ANKRD44: variants seen among roughly 807,000 people sequenced by gnomAD.
The protein encoded by ANKRD44 is ankyrin repeat domain 44, also known as serine/threonine-protein phosphatase 6 regulatory ankyrin repeat subunit B.
Under a neutral mutation model 116.0 loss-of-function variants are expected in ANKRD44, and 35 were observed. The observed-to-expected ratio is 0.30, with a 90% CI of 0.23 to 0.40. ANKRD44 has a LOEUF of 0.40. Ranked by LOEUF, ANKRD44 falls within the 10% of genes least tolerant of loss-of-function variation. The pLI, the probability that ANKRD44 is intolerant of heterozygous loss-of-function variation, is 1.00. For synonymous variants in ANKRD44, 435 were observed against 461.8 expected (o/e 0.94, Z 0.74); for missense variants, 1,014 against 1,242.6 (o/e 0.82, Z 2.77).
At chr2:197,187,395 G>A (rs886755133) in intron 1 of ANKRD44, among the ~76,000 whole-genome samples, 2 of 152,154 alleles carry the variant, frequency 1.3e-5, no homozygotes, top group African/African-American at 2.4e-5. Context: ...AACTTTGATA[G>A]GCCCTTAAAT....
intron 25 of ANKRD44, among the ~76,000 whole-genome samples, 186 bp from the exon 26 acceptor site, chr2:196,995,647 A>G (rs1342605957): frequency 2.0e-5 from 3 of 152,198 alleles, no homozygotes; most frequent in Non-Finnish European, 4.4e-5. Context: ...TAAGAGTCCT[A>G]ATAAGGTCTA....
intron 1 of ANKRD44, among the ~76,000 whole-genome samples, chr2:197,301,797 A>C (rs2083915365): frequency 1.3e-5 from 2 of 152,262 alleles, no homozygotes; most frequent in Non-Finnish European, 2.9e-5. Flanking sequence ...GCAGTGAATG[A>C]ACCAAACTAA....
intron 2 of ANKRD44, among the ~76,000 whole-genome samples, chr2:197,170,410 A>G (rs1275774119): frequency 2.6e-5 from 4 of 152,124 alleles, no homozygotes; most frequent in Non-Finnish European, 4.4e-5. Flanking sequence ...TCCCTCCTAA[A>G]CACTTGTCAG....
intron 1 of ANKRD44, among the ~76,000 whole-genome samples, chr2:197,273,011 T>C (rs917627800): frequency 1.3e-5 from 2 of 152,236 alleles, no homozygotes; most frequent in African/African-American, 4.8e-5. Context: ...ATTTGATTGA[T>C]TAAATACACA....
chr2:197,083,352 A>G lies in ANKRD44; in HGVS notation c.1457+17T>C. 1 of 1,607,962 alleles carries G rather than the reference A, an allele frequency of 6.2e-7. No homozygotes were observed. The highest frequency in any genetic ancestry group is 8.5e-7 in the Non-Finnish European group (1 of 1,177,352). On this transcript the variant is annotated intron_variant, in intron 14 of 27. Transcript: ENST00000282272. ...CAACCCTGTTCCCAGAGGAAGCATG[A>G]GCAAGGCTGTTTTTACTTTCTATCC...
intron 1 of ANKRD44, among the ~76,000 whole-genome samples, chr2:197,263,839 G>A (rs2082673611): frequency 6.6e-6 from 1 of 152,176 alleles, no homozygotes. Context: ...GCCTTAGCTA[G>A]GCACATGGCT....
intron 2 of ANKRD44, among the ~76,000 whole-genome samples, chr2:197,168,044 G>A (rs2080139107): frequency 6.6e-6 from 1 of 152,252 alleles, no homozygotes; most frequent in South Asian, 2.1e-4. Context: ...ACAACCTTGT[G>A]GCTGCCTTGC....
At chr2:197,010,272 C>G (rs1474375475) in intron 18 of ANKRD44, among the ~76,000 whole-genome samples, 4 of 152,192 alleles carry the variant, frequency 2.6e-5, no homozygotes, top group African/African-American at 9.6e-5. Context: ...CATCCGCTCA[C>G]TGTTGAGTGA....
At position 196,986,812 on chromosome 2, in the gene ANKRD44, C is replaced by T; in HGVS notation, c.*2779G>A. On this transcript the variant is annotated 3_prime_UTR_variant, in exon 28 of 28. Transcript: ENST00000282272. ...GTGCTTGAGAAGATTCAGATTGTTT[C>T]AAAGTCATTCACTGAACTAAAAGTC... The T allele has an allele frequency of 8.1e-6, 8 of 985,400 alleles. No homozygotes were observed. The highest frequency in any genetic ancestry group is 9.6e-6 in the Non-Finnish European group (8 of 829,908). 61.0% of individuals were successfully genotyped at this position (985,400 alleles called of 1,614,324 possible). A position where few individuals can be genotyped will look rare whatever the true frequency, so the allele number is the denominator to read the frequency against.
chr2:196,976,586 G>A (rs1559390268), intron 21 of ANKRD44, among the ~76,000 whole-genome samples: 1 of 152,202 alleles, frequency 6.6e-6, no homozygotes, highest in South Asian at 2.1e-4. Context: ...AAGGAATCCA[G>A]CTGGGTGCAG....
rs532956738 is a variant in ANKRD44, at chr2:197,252,341, C to T, written c.27+58237G>A. 1.1e-3 allele frequency among the ~76,000 whole-genome samples: 161 copies of T among 152,154 alleles called. 1 individual carries two copies. Among genetic ancestry groups the T allele is most frequent in the Admixed American group, 1.6e-3 (24 of 15,282 alleles). ...CTGCTCCCCGCTACCCGCCCCGCCC[C>T]GCCCCGCCAAAGGTCTAACAAATCA... On this transcript the variant is annotated intron_variant, in intron 1 of 27. Transcript: ENST00000282272.
chr2:197,233,534 T>C (rs2081913283), intron 1 of ANKRD44, among the ~76,000 whole-genome samples: 1 of 152,246 alleles, frequency 6.6e-6, no homozygotes, highest in African/African-American at 2.4e-5. Context: ...CTATTTCATA[T>C]CATGGCTTTT....
intron 17 of ANKRD44, chr2:197,014,851 A>G (rs1299108517): frequency 6.5e-6 from 1 of 152,908 alleles, no homozygotes; most frequent in Non-Finnish European, 1.5e-5. Context: ...TCTGAAAGAT[A>G]ATTTTTATTG....
At chr2:197,158,395 C>T (rs766086352) in intron 2 of ANKRD44, among the ~76,000 whole-genome samples, 8 of 152,268 alleles carry the variant, frequency 5.3e-5, no homozygotes, top group South Asian at 4.1e-4. Flanking sequence ...ACCAGTGAGG[C>T]GAGAAGTCTA....
chr2:196,998,067 C>T (rs918847670), intron 25 of ANKRD44, among the ~76,000 whole-genome samples: 3 of 149,616 alleles, frequency 2.0e-5, no homozygotes, highest in African/African-American at 7.3e-5. Flanking sequence ...AGCATCAAGA[C>T]AGACAGACTA....
Position 197,260,673 on chromosome 2 carries a change from G to A in ANKRD44, c.27+49905C>T, listed in dbSNP as rs553550392. 5.3e-5 allele frequency among the ~76,000 whole-genome samples: 8 copies of A among 152,050 alleles called. No individual in the cohort carries two copies. The East Asian group carries it at 9.6e-4, about 18-fold the overall frequency. The stretch of plus-strand genomic sequence containing the variant: ...GAATCTCCACACTGACTTCCACAAC[G>A]GTTGAACTAGTTTACAGTCCCACCA... On this transcript the variant is annotated intron_variant, in intron 1 of 27. Transcript: ENST00000282272.
intron 1 of ANKRD44, among the ~76,000 whole-genome samples, chr2:197,199,743 G>A (rs1043371751): frequency 1.3e-5 from 2 of 152,030 alleles, no homozygotes; most frequent in African/African-American, 4.8e-5. Flanking sequence ...ACCATGCCTG[G>A]CTTATTTCCC....
chr2:197,016,825 T>C (rs2076401531), intron 17 of ANKRD44, among the ~76,000 whole-genome samples: 1 of 152,184 alleles, frequency 6.6e-6, no homozygotes, highest in African/African-American at 2.4e-5. Context: ...TTTATTTTTT[T>C]ACTGCAGCTA....
At chr2:197,251,718 G>C (rs1251040078) in intron 1 of ANKRD44, among the ~76,000 whole-genome samples, 2 of 152,134 alleles carry the variant, frequency 1.3e-5, no homozygotes, top group Admixed American at 1.3e-4. Flanking sequence ...TCAAAACAAA[G>C]TTGGCTTAAT....
Sources: allele counts gnomAD v4.1 joint callset (sites outside exome capture counted in the v4.1 genomes callset), GRCh38; gene constraint gnomAD v4.1.1; transcripts MANE v1.5; gene names NCBI Gene and HGNC (gene_info 2026-07-23, HGNC 2026-07-21).